CSMD3: variants seen among roughly 807,000 people sequenced by gnomAD.
CSMD3 encodes CUB and Sushi multiple domains 3.
CSMD3 carries 177 observed loss-of-function variants against 435.2 expected under a neutral mutation model. The ratio of observed to expected loss-of-function variants is 0.41; its 90% CI spans 0.36 to 0.46. CSMD3 has a LOEUF of 0.46. Among genes scored for constraint, CSMD3 ranks in the 20% least tolerant of loss-of-function variants. The pLI is 0.34. For synonymous variants in CSMD3, 1,656 were observed against 1,520.5 expected, an observed-to-expected ratio of 1.09 and a Z score of -2.07; for missense variants, 4,265 against 4,504.6, an observed-to-expected ratio of 0.95 and a Z score of 1.52.
At chr8:112,959,046 G>GGAACT (rs1369783874) in intron 7 of CSMD3, among the ~76,000 whole-genome samples, 3 of 151,926 alleles carry the variant, frequency 2.0e-5, no homozygotes, top group Non-Finnish European at 4.4e-5. Context: ...TAAAAATTGA[G>GGAACT]TCCTTCATTA....
At chr8:113,215,789 C>G (rs538707245) in intron 3 of CSMD3, among the ~76,000 whole-genome samples, 1 of 151,662 alleles carries the variant, frequency 6.6e-6, no homozygotes, top group South Asian at 2.1e-4. Context: ...TCTATGTAAC[C>G]TTTCAAATGT....
intron 32 of CSMD3, among the ~76,000 whole-genome samples, chr8:112,425,235 C>T (rs1177776052): frequency 6.6e-6 from 1 of 152,124 alleles, no homozygotes; most frequent in African/African-American, 2.4e-5. Flanking sequence ...GTGAAAGAGT[C>T]ATGTGGCTAA....
At chr8:112,977,135 A>G (rs552229827) in intron 6 of CSMD3, among the ~76,000 whole-genome samples, 1 of 152,138 alleles carries the variant, frequency 6.6e-6, no homozygotes, top group Non-Finnish European at 1.5e-5. Flanking sequence ...TAATGAAAAA[A>G]GTAACTTTAT....
chr8:113,422,354 C>T (rs1022305141), intron 1 of CSMD3, among the ~76,000 whole-genome samples: 1 of 152,182 alleles, frequency 6.6e-6, no homozygotes, highest in African/African-American at 2.4e-5. Context: ...GCATGTGTAG[C>T]AAATCTGCCG....
intron 3 of CSMD3, among the ~76,000 whole-genome samples, chr8:113,233,123 A>T (rs1031839594): frequency 2.6e-5 from 4 of 151,866 alleles, no homozygotes; most frequent in Non-Finnish European, 5.9e-5. Context: ...AATACCTGAA[A>T]ATCAATAATA....
At chr8:112,560,797 C>T (rs554705757) in intron 24 of CSMD3, among the ~76,000 whole-genome samples, 8 of 151,738 alleles carry the variant, frequency 5.3e-5, no homozygotes, top group South Asian at 2.1e-4. Flanking sequence ...TACATTTAAA[C>T]GTCTTTGCTC....
intron 3 of CSMD3, among the ~76,000 whole-genome samples, chr8:113,193,111 T>C (rs899250607): frequency 6.6e-6 from 1 of 151,230 alleles, no homozygotes; most frequent in Non-Finnish European, 1.5e-5. Context: ...GCTTTCTGAG[T>C]TAAGTAGTGA....
At chr8:113,294,626 G>T (rs1159313560) in intron 2 of CSMD3, among the ~76,000 whole-genome samples, 1 of 152,046 alleles carries the variant, frequency 6.6e-6, no homozygotes, top group Non-Finnish European at 1.5e-5. Context: ...CTGATAATTA[G>T]AAAATCACCT....
intron 13 of CSMD3, among the ~76,000 whole-genome samples, chr8:112,720,672 A>G (rs764054636): frequency 3.9e-5 from 6 of 152,162 alleles, no homozygotes; most frequent in Non-Finnish European, 5.9e-5. Context: ...TGGCTCAACA[A>G]TCATTCACTA....
intron 12 of CSMD3, among the ~76,000 whole-genome samples, chr8:112,825,410 TTTGTTGTTG>T (rs145600692): frequency 6.6e-6 from 1 of 151,974 alleles, no homozygotes; most frequent in Non-Finnish European, 1.5e-5. Flanking sequence ...TTTTCATCTT[TTTGTTGTTG>T]TTGTTGTTGT....
intron 3 of CSMD3, among the ~76,000 whole-genome samples, chr8:113,248,892 C>T (rs1157374618): frequency 6.6e-6 from 1 of 151,784 alleles, no homozygotes. Context: ...AAACTGTCAA[C>T]TTTCCTGACA....
At chr8:112,792,979 C>A (rs2078728598) in intron 13 of CSMD3, among the ~76,000 whole-genome samples, 1 of 151,610 alleles carries the variant, frequency 6.6e-6, no homozygotes, top group African/African-American at 2.4e-5. Flanking sequence ...ACAATTGTTT[C>A]TTTCTGCCAT....
At chr8:112,925,793 A>G (rs1312799167) in intron 9 of CSMD3, among the ~76,000 whole-genome samples, 1 of 152,214 alleles carries the variant, frequency 6.6e-6, no homozygotes, top group Non-Finnish European at 1.5e-5. Flanking sequence ...ATCATATATG[A>G]CATTTTGGCC....
chr8:112,441,857 C>T (rs930881305), intron 32 of CSMD3, among the ~76,000 whole-genome samples: 2 of 152,168 alleles, frequency 1.3e-5, no homozygotes, highest in Non-Finnish European at 2.9e-5. Flanking sequence ...CTCTACCAAC[C>T]TGTGGGTATT....
At chr8:112,692,930 TATCTATC>T (rs2076169000) in intron 13 of CSMD3, among the ~76,000 whole-genome samples, 3 of 131,566 alleles carry the variant, frequency 2.3e-5, no homozygotes, top group South Asian at 5.3e-4. Flanking sequence ...TCTATCTATC[TATCTATC>T]TATCTATCTA....
chr8:112,906,564 C>CACTT (rs1207146283), intron 10 of CSMD3, among the ~76,000 whole-genome samples: 1 of 151,474 alleles, frequency 6.6e-6, no homozygotes, highest in Non-Finnish European at 1.5e-5. Flanking sequence ...GGATAAGCAT[C>CACTT]ACTTAAGGTT....
intron 3 of CSMD3, among the ~76,000 whole-genome samples, chr8:113,214,924 C>CTA (rs2092884192): frequency 6.6e-6 from 1 of 151,602 alleles, no homozygotes; most frequent in South Asian, 2.1e-4. Flanking sequence ...TTATCGAATT[C>CTA]TATATATAAC....
At chr8:113,431,123 G>C (rs556563193) in intron 1 of CSMD3, among the ~76,000 whole-genome samples, 1 of 152,284 alleles carries the variant, frequency 6.6e-6, no homozygotes, top group African/African-American at 2.4e-5. Context: ...ATGGAGGTAG[G>C]TATACCTGGA....
intron 6 of CSMD3, among the ~76,000 whole-genome samples, chr8:112,994,928 T>G (rs1467584253): frequency 1.3e-5 from 2 of 151,486 alleles, no homozygotes; most frequent in Non-Finnish European, 3.0e-5. Context: ...AAAGACAAAA[T>G]GGTAAGAGTT....
Sources: allele counts gnomAD v4.1 joint callset (sites outside exome capture counted in the v4.1 genomes callset), GRCh38; gene constraint gnomAD v4.1.1; transcripts MANE v1.5; gene names NCBI Gene and HGNC (gene_info 2026-07-23, HGNC 2026-07-21).